LOXL4: variants seen among roughly 807,000 people sequenced by gnomAD.
The protein encoded by LOXL4 is lysyl oxidase like 4.
Under a neutral mutation model 89.1 loss-of-function variants are expected in LOXL4, and 72 were observed. That is an observed-to-expected ratio of 0.81 (90% CI 0.67 to 0.98). The LOEUF (loss-of-function observed/expected upper bound fraction) is 0.98. LOXL4 is among the 50% of genes least tolerant of loss of function. LOXL4 has a pLI of 0.00. For synonymous variants in LOXL4, 355 were observed against 392.1 expected (o/e 0.91, Z 1.12); for missense variants, 984 against 1,017.5 (o/e 0.97, Z 0.45).
chr10:98,251,442 C>G (rs1009982151), intron 13 of LOXL4, 124 bp downstream of exon 13: 1 of 1,348,650 alleles, frequency 7.4e-7, no homozygotes, highest in African/African-American at 1.4e-5. Context: ...CAGGACAGCT[C>G]CTTTAAGTGA....
Position 98,250,964 on chromosome 10 carries a change from C to A in LOXL4, c.2200+101G>T, listed in dbSNP as rs529765548. 4 of 806,610 alleles carry A rather than the reference C, an allele frequency of 5.0e-6. No homozygotes were observed. The African/African-American group carries it at 6.7e-5, about 14-fold the overall frequency. The allele number at this position is 806,610 out of a possible 1,614,324, so 50.0% of individuals were successfully genotyped here. A position where few individuals can be genotyped will look rare whatever the true frequency, so the allele number is the denominator to read the frequency against. ...TCCATAGCCTTTTGCACACCACACA[C>A]ATACAAGTCACACGCTGGAGTGTGG... On this transcript the variant is annotated intron_variant, in intron 14 of 14. Coordinates refer to ENST00000260702, the MANE Select transcript of LOXL4 (RefSeq NM_032211.7).
rs1337412910 is a variant in LOXL4 at position 98,248,284 on chromosome 10, A to ATC, written c.*635_*636dup. On this transcript the variant is annotated 3_prime_UTR_variant, in exon 15 of 15. Transcript: ENST00000260702. The stretch of plus-strand genomic sequence containing the variant: ...ACTCCGTAACTGTTGGTGTTGGCCC[A>ATC]TCAGGCAATAAGGGGATGCCCGAGG... 6.6e-6 allele frequency: 1 copy of ATC among 152,312 alleles called. No homozygotes were observed. Among genetic ancestry groups the ATC allele is most frequent in the Non-Finnish European group, 1.5e-5 (1 of 68,144 alleles). The allele number at this position is 152,312 out of a possible 1,614,324, so 9.4% of individuals were successfully genotyped here.
Position 98,253,553 on chromosome 10 carries a change from C to T in LOXL4, c.1835G>A (p.Arg612Lys). 6.2e-7 allele frequency: 1 copy of T among 1,614,270 alleles called. No individual in the cohort carries two copies. The highest frequency in any genetic ancestry group is 8.5e-7 in the Non-Finnish European group (1 of 1,180,056). The change falls in exon 11 of 15, where the codon AGG (arginine) becomes AAG (lysine). Residue 612 changes from arginine to lysine, a missense_variant and splice_region_variant. Arg to Lys is a conservative substitution (Grantham distance 26). Transcript: ENST00000260702. The part of the protein sequence containing the change: ...RDSWVWHQCH[R>K]HYHSIEVFTH... ...TGCCAATGCATGGGCAGGCTCTAACCTGTGGCACTGGTGCCAAACCCAGCT... is the reference window on the plus strand; with the variant it reads ...TGCCAATGCATGGGCAGGCTCTAACTTGTGGCACTGGTGCCAAACCCAGCT...
In LOXL4 at chr10:98,253,790, G is replaced by A; in HGVS notation, c.1598C>T (p.Pro533Leu). Residue 533 changes from proline (P) to leucine (L), a missense_variant, in exon 11 of 15, where the codon CCA (proline) becomes CTA (leucine). Physicochemically the swap from Pro to Leu is moderately conservative, Grantham distance 98. Transcript: ENST00000260702. ...TAGCTGGGCGTTCATCACCAGGTCT[G>A]GTGCACCTGGGGCGGCGGAGGGCAT... is the stretch of plus-strand genomic sequence containing the variant. ...LAGVSCMDSAPDLVMNAQLVQ... is the reference protein window; with the variant it reads ...LAGVSCMDSALDLVMNAQLVQ... The A allele has an allele frequency of 1.2e-6, 2 of 1,613,920 alleles. No individual in the cohort carries two copies. Among genetic ancestry groups the A allele is most frequent in the Non-Finnish European group, 8.5e-7 (1 of 1,180,002 alleles).
At chr10:98,250,340 G>T (rs925881779) in intron 14 of LOXL4, among the ~76,000 whole-genome samples, 1 of 152,194 alleles carries the variant, frequency 6.6e-6, no homozygotes, top group Non-Finnish European at 1.5e-5. Flanking sequence ...CTATTTGCAT[G>T]TGTGCATACC....
At chr10:98,258,224 C>G in intron 6 of LOXL4, 60 bp from the exon 7 acceptor site, 1 of 1,510,084 alleles carries the variant, frequency 6.6e-7, no homozygotes, top group East Asian at 2.4e-5. Context: ...GGGGCTGAGC[C>G]CCCACAGCGG....
rs780163094 is a variant in LOXL4, at chr10:98,251,561, CT to C, written c.2088+4del. The C allele has an allele frequency of 3.1e-5, 50 of 1,614,036 alleles. No homozygotes were observed. In the East Asian group the frequency reaches 1.0e-3, roughly 34 times the overall value. The stretch of plus-strand genomic sequence containing the variant: ...GCTCTGTGGGGAATCCCCCAGCCGC[CT>C]TACCTGGAAGATATAATTCCCGGGG... On this transcript the variant is annotated splice_donor_region_variant and intron_variant, in intron 13 of 14. Coordinates refer to ENST00000260702, the MANE Select transcript of LOXL4 (RefSeq NM_032211.7).
rs1858382301 is a variant in LOXL4 at position 98,256,867 on chromosome 10, C to A, written c.1341G>T (p.Gly447=). 6.2e-7 allele frequency: 1 copy of A among 1,614,136 alleles called. No homozygotes were observed. Residue 447 remains glycine (G), a synonymous_variant, in exon 9 of 15, where the codon GGG becomes GGT. Transcript: ENST00000260702. The part of the protein sequence containing the change: ...QVEVNGVPRW[G]SVCSENWGLT... ...GCCCCCAGTTTTCACTGCACACGCT[C>A]CCCCAGCGTGGGACCCCGTTCACCT...
chr10:98,259,970 A>G (rs974399516), intron 4 of LOXL4, among the ~76,000 whole-genome samples: 1 of 152,222 alleles, frequency 6.6e-6, no homozygotes, highest in African/African-American at 2.4e-5. Flanking sequence ...AGTCACTGCA[A>G]CAAGGGCCTT....
At chr10:98,255,984 C>T in intron 9 of LOXL4, 1 of 448,376 alleles carries the variant, frequency 2.2e-6, no homozygotes, top group Non-Finnish European at 4.0e-6. Flanking sequence ...CACTACTGGC[C>T]CTACACCCCT....
intron 6 of LOXL4, among the ~76,000 whole-genome samples, chr10:98,258,671 A>T (rs1042370002): frequency 1.3e-5 from 2 of 152,128 alleles, no homozygotes; most frequent in Non-Finnish European, 2.9e-5. Context: ...CTACCACCTC[A>T]TAAGCACTTG....
Position 98,256,756 on chromosome 10 carries a change from G to T in LOXL4, c.1428+24C>A. On this transcript the variant is annotated intron_variant, in intron 9 of 14. Transcript: ENST00000260702. ...AGAACAGGAGGGTGAGAGGTCATACGGAAGAAACAACAGAGGGACCTACCT... is the reference window on the plus strand; with the variant it reads ...AGAACAGGAGGGTGAGAGGTCATACTGAAGAAACAACAGAGGGACCTACCT... The T allele has an allele frequency of 2.5e-6, 4 of 1,613,590 alleles. No individual in the cohort carries two copies. In the African/African-American group the frequency reaches 4.0e-5, roughly 16 times the overall value.
intron 9 of LOXL4, chr10:98,255,981 G>A (rs1053580229): frequency 4.4e-6 from 2 of 455,978 alleles, no homozygotes; most frequent in Admixed American, 7.4e-5. Flanking sequence ...TTCCACTACT[G>A]GCCCTACACC....
intron 6 of LOXL4, among the ~76,000 whole-genome samples, chr10:98,258,570 G>A (rs1233112648): frequency 6.6e-6 from 1 of 151,648 alleles, no homozygotes; most frequent in Non-Finnish European, 1.5e-5. Flanking sequence ...CACCTCACGA[G>A]GCCATCTCAG....
intron 1 of LOXL4, among the ~76,000 whole-genome samples, chr10:98,265,761 C>A (rs1858669025): frequency 6.6e-6 from 1 of 152,164 alleles, no homozygotes; most frequent in South Asian, 2.1e-4. Context: ...TAGATTGGTC[C>A]CACCTCCTCT....
intron 13 of LOXL4, 43 bp downstream of exon 13, chr10:98,251,523 T>C (rs756423339): frequency 6.2e-7 from 1 of 1,607,216 alleles, no homozygotes; most frequent in East Asian, 2.2e-5. Flanking sequence ...GTGGAACATC[T>C]GGAGGAAATC....
At position 98,256,622 on chromosome 10, in the gene LOXL4, C is replaced by T. The variant is rs900185931; in HGVS notation, c.1428+158G>A. On this transcript the variant is annotated intron_variant, in intron 9 of 14. Transcript: ENST00000260702. ...CATTAGGACTATGTCTTCTTGTTTA[C>T]CACACTGTTCCCAGCACTCAGCATC... The T allele has an allele frequency of 4.0e-6, 3 of 758,516 alleles. No individual in the cohort carries two copies. The African/African-American group carries it at 5.3e-5, about 13-fold the overall frequency. The allele number at this position is 758,516 out of a possible 1,614,324, so 47.0% of individuals were successfully genotyped here.
chr10:98,257,993 G>C lies in LOXL4; in HGVS notation c.1093C>G (p.Arg365Gly). 1 of 1,613,744 alleles carries C rather than the reference G, an allele frequency of 6.2e-7. No individual in the cohort carries two copies. The highest frequency in any genetic ancestry group is 8.5e-7 in the Non-Finnish European group (1 of 1,179,954). The part of the protein sequence containing the change: ...GSAREALFGA[R>G]LGQGLGPIHL... The stretch of plus-strand genomic sequence containing the variant: ...CTGTCTCACTCACCTTGGCCCAGCC[G>C]GGCCCCAAAGAGGGCCTCCCGAGCA... The change falls in exon 7 of 15, where the codon CGG (arginine) becomes GGG (glycine). Residue 365 changes from arginine (R) to glycine (G), a missense_variant. Arg to Gly is a moderately radical substitution (Grantham distance 125). Transcript: ENST00000260702.
intron 1 of LOXL4, among the ~76,000 whole-genome samples, chr10:98,264,571 C>G (rs1226016316): frequency 6.6e-6 from 1 of 151,816 alleles, no homozygotes; most frequent in Non-Finnish European, 1.5e-5. Context: ...GCCCCTGTCT[C>G]CAGGAGGCTG....
Sources: allele counts gnomAD v4.1 joint callset (sites outside exome capture counted in the v4.1 genomes callset), GRCh38; gene constraint gnomAD v4.1.1; transcripts MANE v1.5; gene names NCBI Gene and HGNC (gene_info 2026-07-23, HGNC 2026-07-21).